FCHO2: variants seen among roughly 807,000 people sequenced by gnomAD.
FCHO2 encodes the protein F-BAR domain only protein 2.
Under a neutral mutation model 114.1 loss-of-function variants are expected in FCHO2, and 43 were observed. The ratio of observed to expected loss-of-function variants is 0.38; its 90% CI spans 0.30 to 0.49. The LOEUF (loss-of-function observed/expected upper bound fraction) is 0.49, where lower values mean the gene tolerates loss of function less well. FCHO2 is among the 20% of genes least tolerant of loss of function. The pLI, the probability that FCHO2 is intolerant of heterozygous loss-of-function variation, is 0.97. For missense variants in FCHO2, 807 were observed against 950.4 expected (o/e 0.85, Z 1.98); for synonymous variants, 293 against 315.2 (o/e 0.93, Z 0.75).
In FCHO2 at chr5:72,996,715, C is replaced by T. The variant is rs578102493; in HGVS notation, c.495+5851C>T. ...CCCCCGCAGGCTGCCAACGCCTGTC[C>T]GCCAGCTCCCCGTTCCGCTGGGCTT... On this transcript the variant is annotated intron_variant, in intron 5 of 25. Coordinates refer to ENST00000430046, the MANE Select transcript of FCHO2 (RefSeq NM_138782.3). Among the ~76,000 whole-genome samples, 93 of 152,316 alleles carry T rather than the reference C, an allele frequency of 6.1e-4. 1 individual carries two copies. Among genetic ancestry groups the T allele is most frequent in the African/African-American group, 2.1e-3 (88 of 41,566 alleles).
At chr5:73,054,871 G>A (rs954780380) in intron 15 of FCHO2, among the ~76,000 whole-genome samples, 1 of 152,070 alleles carries the variant, frequency 6.6e-6, no homozygotes, top group Non-Finnish European at 1.5e-5. Context: ...TTTATAAGAT[G>A]AGTAATATTG....
At chr5:72,976,985 A>G (rs1305083347) in intron 2 of FCHO2, among the ~76,000 whole-genome samples, 2 of 152,074 alleles carry the variant, frequency 1.3e-5, no homozygotes, top group African/African-American at 4.8e-5. Context: ...CGTAGATTCC[A>G]TGGTGTATAT....
chr5:73,084,276 G>GT (rs1333665959), intron 24 of FCHO2, among the ~76,000 whole-genome samples: 2 of 151,638 alleles, frequency 1.3e-5, no homozygotes, highest in Middle Eastern at 3.2e-3. Context: ...GTTTTGTTTT[G>GT]TTTTTTTGAG....
chr5:73,070,517 C>T (rs1207851285), intron 19 of FCHO2, among the ~76,000 whole-genome samples: 3 of 149,432 alleles, frequency 2.0e-5, no homozygotes, highest in Non-Finnish European at 1.5e-5. Flanking sequence ...TAACTGGGAC[C>T]TACTAGAAAG....
intron 5 of FCHO2, chr5:72,997,607 G>A (rs1253405670): frequency 7.0e-5 from 98 of 1,397,484 alleles, no homozygotes; most frequent in Non-Finnish European, 9.8e-5. Context: ...TGTTCGTTCC[G>A]TGCTGAGCCG....
rs548785347 is a variant in FCHO2 at position 73,045,833 on chromosome 5, T to C, written c.939+4518T>C. On this transcript the variant is annotated intron_variant, in intron 11 of 25. Transcript: ENST00000430046. ...CCTTTTAATTGATATATTTGGACCA[T>C]TTATATGTAATGATATTGTCAGATT... 2.5e-4 allele frequency among the ~76,000 whole-genome samples: 38 copies of C among 152,366 alleles called. 1 individual carries two copies. The highest frequency in any genetic ancestry group is 2.3e-3 in the South Asian group (11 of 4,824).
At chr5:72,997,672 G>A (rs1432490241) in intron 5 of FCHO2, 15 of 1,543,538 alleles carry the variant, frequency 9.7e-6, no homozygotes, top group South Asian at 6.7e-5. Flanking sequence ...ACCTGAGTTG[G>A]GGTTGGGGGA....
chr5:72,984,352 A>G (rs1753390749), intron 2 of FCHO2, among the ~76,000 whole-genome samples: 1 of 152,162 alleles, frequency 6.6e-6, no homozygotes, highest in Non-Finnish European at 1.5e-5. Context: ...TTCTTTCTCT[A>G]AGTGTACTTG....
chr5:72,989,372 G>T, intron 2 of FCHO2, 55 bp from the exon 3 acceptor site: 1 of 1,256,304 alleles, frequency 8.0e-7, no homozygotes, highest in East Asian at 2.4e-5. Context: ...TGATAACTTT[G>T]CTGTTTTTGG....
chr5:73,084,033 C>G (rs867884518), intron 24 of FCHO2, among the ~76,000 whole-genome samples: 4 of 151,968 alleles, frequency 2.6e-5, no homozygotes, highest in East Asian at 3.9e-4. Context: ...GCAAGTTATG[C>G]TTCTCTCACT....
intron 8 of FCHO2, chr5:73,034,358 C>T (rs537114968): frequency 1.6e-5 from 4 of 253,078 alleles, no homozygotes; most frequent in African/African-American, 6.9e-5. Flanking sequence ...TTCTTGAAAG[C>T]AGAAACTGCA....
intron 24 of FCHO2, among the ~76,000 whole-genome samples, chr5:73,086,421 G>A (rs1743312547): frequency 6.6e-6 from 1 of 152,188 alleles, no homozygotes; most frequent in East Asian, 1.9e-4. Context: ...TCTGTGTAGT[G>A]TTAAGCTTCT....
Position 72,991,210 on chromosome 5 carries a change from G to A in FCHO2, c.495+346G>A, listed in dbSNP as rs760630266. 4.6e-5 allele frequency among the ~76,000 whole-genome samples: 7 copies of A among 152,182 alleles called. No homozygotes were observed. In the South Asian group the frequency reaches 1.0e-3, roughly 23 times the overall value. ...CTCCCAAATAGCTGGGATTACAGGCGCATGACACCACATCCGGCTAATTTT... is the reference window on the plus strand; with the variant it reads ...CTCCCAAATAGCTGGGATTACAGGCACATGACACCACATCCGGCTAATTTT... On this transcript the variant is annotated intron_variant, in intron 5 of 25. Coordinates refer to ENST00000430046, the MANE Select transcript of FCHO2 (RefSeq NM_138782.3).
At chr5:73,049,791 A>G (rs1253012688) in intron 11 of FCHO2, among the ~76,000 whole-genome samples, 1 of 152,176 alleles carries the variant, frequency 6.6e-6, no homozygotes, top group Non-Finnish European at 1.5e-5. Flanking sequence ...ACTCCCAGCT[A>G]GATTATTTTT....
At chr5:73,075,032 G>A (rs552993506) in intron 20 of FCHO2, among the ~76,000 whole-genome samples, 179 bp downstream of exon 20, 1 of 152,202 alleles carries the variant, frequency 6.6e-6, no homozygotes, top group South Asian at 2.1e-4. Context: ...TGCATTCAAT[G>A]TACATTCATT....
chr5:72,974,686 G>T (rs1199908458), intron 2 of FCHO2, among the ~76,000 whole-genome samples: 5 of 152,002 alleles, frequency 3.3e-5, no homozygotes, highest in African/African-American at 1.2e-4. Context: ...TTTAATTGGA[G>T]CATTTAGTCC....
chr5:73,055,129 C>T (rs557645390), intron 15 of FCHO2: 13 of 318,088 alleles, frequency 4.1e-5, no homozygotes, highest in South Asian at 3.4e-4. Flanking sequence ...TTTAAGAGAC[C>T]TAGTAAATGA....
intron 11 of FCHO2, among the ~76,000 whole-genome samples, chr5:73,042,924 T>A (rs1172291955): frequency 6.6e-6 from 1 of 152,164 alleles, no homozygotes; most frequent in African/African-American, 2.4e-5. Flanking sequence ...TCTTTTCAAT[T>A]TAATTTTTTG....
At chr5:73,077,524 AT>A (rs1245675006) in intron 21 of FCHO2, 31 bp downstream of exon 21, 27 of 1,560,880 alleles carry the variant, frequency 1.7e-5, no homozygotes, top group Non-Finnish European at 2.3e-5. Flanking sequence ...GAAGGTTGAA[AT>A]TTCGTTTTAA....
Sources: gnomAD v4.1 joint callset for allele counts (sites outside exome capture counted in the v4.1 genomes callset) on GRCh38, gnomAD v4.1.1 for gene constraint, MANE v1.5 for transcripts, NCBI Gene and HGNC (gene_info 2026-07-23, HGNC 2026-07-21) for gene names.